Variants in SAMD12 observed in about 807,000 individuals in gnomAD.
SAMD12 encodes sterile alpha motif domain containing 12, also known as sterile alpha motif domain-containing protein 12.
A neutral mutation model predicts 15.0 loss-of-function variants in SAMD12; 9 were observed. The observed-to-expected ratio is 0.60, with a 90% CI of 0.36 to 1.05. The LOEUF is 1.05. Among genes scored for constraint, SAMD12 ranks in the 50% least tolerant of loss-of-function variants. The pLI is 0.01. For missense variants in SAMD12, 230 were observed against 234.2 expected (o/e 0.98, Z 0.12); for synonymous variants, 86 against 90.1 (o/e 0.96, Z 0.25).
At chr8:118,173,127 T>C in the SAMD12 span, among the ~76,000 whole-genome samples, 92 of 152,230 alleles carry the variant, frequency 6.0e-4, no homozygotes, top group African/African-American at 2.1e-3. Flanking sequence ...GGACAAGTGG[T>C]ACAGTATTGA....
At position 118,530,054 on chromosome 8, in the gene SAMD12, G is replaced by A. The variant is rs150059805; in HGVS notation, c.192+50661C>T. ...TCCCCAACATCTGTTGTTGACTTCT[G>A]AGTAACAGCCATTCTGATGGGTGTC... is the stretch of plus-strand genomic sequence containing the variant. On this transcript the variant is annotated intron_variant, in intron 2 of 3. Coordinates refer to ENST00000314727, the MANE Select transcript of SAMD12 (RefSeq NM_207506.3). 1.2e-3 allele frequency among the ~76,000 whole-genome samples: 189 copies of A among 152,170 alleles called. 1 individual carries two copies. The highest frequency in any genetic ancestry group is 4.4e-3 in the African/African-American group (182 of 41,516).
At chr8:118,334,286 C>A (rs957194579) in intron 4 of SAMD12, among the ~76,000 whole-genome samples, 3 of 152,154 alleles carry the variant, frequency 2.0e-5, no homozygotes, top group Non-Finnish European at 4.4e-5. Flanking sequence ...GACCTCAACA[C>A]CGTACCTGGC....
At chr8:118,220,544 A>G (rs888595655) in intron 4 of SAMD12, among the ~76,000 whole-genome samples, 12 of 152,150 alleles carry the variant, frequency 7.9e-5, no homozygotes, top group Non-Finnish European at 1.6e-4. Context: ...TTTTTCTTCT[A>G]TCATTCCTAT....
rs556815171 is a variant in SAMD12 at position 118,509,278 on chromosome 8, T to C, written c.193-69317A>G. Reference sequence around the variant, plus strand: ...TGGATGTGGCCAACTCTCCAAAATTTAATATTATTTAACTTTCAAGGTCTG... The same window carrying C: ...TGGATGTGGCCAACTCTCCAAAATTCAATATTATTTAACTTTCAAGGTCTG... On this transcript the variant is annotated intron_variant, in intron 2 of 3. Coordinates refer to ENST00000314727, the MANE Select transcript of SAMD12 (RefSeq NM_207506.3). 5.3e-5 allele frequency among the ~76,000 whole-genome samples: 8 copies of C among 152,280 alleles called. No homozygotes were observed. The East Asian group carries it at 1.5e-3, about 29-fold the overall frequency.
chr8:118,334,863 G>A (rs1475272245), intron 4 of SAMD12, among the ~76,000 whole-genome samples: 2 of 152,160 alleles, frequency 1.3e-5, no homozygotes, highest in African/African-American at 4.8e-5. Flanking sequence ...CAAAGTGCTG[G>A]ATTACGGGCA....
chr8:118,515,577 C>T lies in SAMD12; in HGVS notation c.192+65138G>A, dbSNP rs1825218875. On this transcript the variant is annotated intron_variant, in intron 2 of 3. Coordinates refer to ENST00000314727, the MANE Select transcript of SAMD12 (RefSeq NM_207506.3). ...ATAGTACAGGGACAACTCATAAGCC[C>T]CAGAGCCTGACATACTCAAGCTGTC... is the stretch of plus-strand genomic sequence containing the variant. Among the ~76,000 whole-genome samples the T allele has an allele frequency of 1.3e-5, 2 of 152,064 alleles. 1 individual carries two copies. Among genetic ancestry groups the T allele is most frequent in the South Asian group, 4.2e-4 (2 of 4,812 alleles).
At chr8:118,417,450 G>C (rs1478975240) in intron 3 of SAMD12, among the ~76,000 whole-genome samples, 1 of 152,174 alleles carries the variant, frequency 6.6e-6, no homozygotes, top group Non-Finnish European at 1.5e-5. Flanking sequence ...CATTCTAGTA[G>C]ATAGAGCTGG....
intron 3 of SAMD12, among the ~76,000 whole-genome samples, chr8:118,415,268 A>C (rs1586690536): frequency 6.6e-6 from 1 of 152,186 alleles, no homozygotes; most frequent in East Asian, 1.9e-4. Flanking sequence ...TTAGTTTACA[A>C]AAGTATTTTT....
intron 3 of SAMD12, among the ~76,000 whole-genome samples, chr8:118,385,003 C>A (rs889786263): frequency 2.0e-5 from 3 of 152,146 alleles, no homozygotes; most frequent in African/African-American, 7.2e-5. Flanking sequence ...GTTCCCGCAG[C>A]AGGAACATGG....
chr8:118,597,018 G>A (rs1827740006), intron 1 of SAMD12, among the ~76,000 whole-genome samples: 2 of 152,128 alleles, frequency 1.3e-5, no homozygotes, highest in South Asian at 4.1e-4. Context: ...AGGCAGCTAG[G>A]TGGATGGAAT....
intron 2 of SAMD12, among the ~76,000 whole-genome samples, chr8:118,518,006 T>A (rs1239091633): frequency 6.6e-6 from 1 of 152,176 alleles, no homozygotes; most frequent in Non-Finnish European, 1.5e-5. Context: ...TCAGACTCAC[T>A]CTTTACTGAC....
At chr8:118,459,152 G>A (rs970368732) in intron 2 of SAMD12, among the ~76,000 whole-genome samples, 1 of 151,806 alleles carries the variant, frequency 6.6e-6, no homozygotes, top group Non-Finnish European at 1.5e-5. Context: ...TACAACCTCC[G>A]CCTCCCCGGT....
chr8:118,247,986 A>G (rs1176853590), intron 4 of SAMD12, among the ~76,000 whole-genome samples: 1 of 152,174 alleles, frequency 6.6e-6, no homozygotes, highest in Non-Finnish European at 1.5e-5. Context: ...CACTATGCCA[A>G]ATGGTGCCAG....
At chr8:118,562,089 C>T (rs1282671934) in intron 2 of SAMD12, among the ~76,000 whole-genome samples, 1 of 152,198 alleles carries the variant, frequency 6.6e-6, no homozygotes, top group Non-Finnish European at 1.5e-5. Context: ...GAGAAATGTG[C>T]TTGACTGCCG....
In SAMD12 at chr8:118,413,320, C is replaced by A. The variant is rs567904242; in HGVS notation, c.322+26512G>T. ...CAATAAAGATTTTTATTGCAAGGTG[C>A]TTTCCTCATAAAAACACTGTGTTTC... On this transcript the variant is annotated intron_variant, in intron 3 of 3. Coordinates refer to ENST00000314727, the MANE Select transcript of SAMD12 (RefSeq NM_207506.3). Among the ~76,000 whole-genome samples, 26 of 152,262 alleles carry A rather than the reference C, an allele frequency of 1.7e-4. No homozygotes were observed. The South Asian group carries it at 5.2e-3, about 30-fold the overall frequency.
chr8:118,559,511 T>C (rs1248849421), intron 2 of SAMD12, among the ~76,000 whole-genome samples: 5 of 152,254 alleles, frequency 3.3e-5, no homozygotes, highest in Non-Finnish European at 5.9e-5. Flanking sequence ...ACAAGGCTCA[T>C]CATACACTTA....
rs567356565 is a variant in SAMD12 at position 118,313,145 on chromosome 8, C to A, written c.433+66415G>T. On this transcript the variant is annotated intron_variant, in intron 4 of 4. Transcript: ENST00000409003. ...AAGAGATGCCCTCTCTGTCACATAT[C>A]TGCTGTGGGATTTAAGGAAGGAATT... 2.0e-5 allele frequency among the ~76,000 whole-genome samples: 3 copies of A among 152,264 alleles called. No individual in the cohort carries two copies. In the South Asian group the frequency reaches 6.2e-4, roughly 32 times the overall value.
chr8:118,566,563 TA>T (rs1826857939), intron 2 of SAMD12, among the ~76,000 whole-genome samples: 2 of 152,132 alleles, frequency 1.3e-5, no homozygotes, highest in Admixed American at 1.3e-4. Flanking sequence ...TTTAAGCATA[TA>T]AAAGCCACTC....
intron 3 of SAMD12, among the ~76,000 whole-genome samples, chr8:118,438,977 C>G (rs1275216234): frequency 2.0e-5 from 3 of 152,086 alleles, no homozygotes; most frequent in African/African-American, 4.8e-5. Context: ...AAGTGTTGCC[C>G]ACATACAAGC....
Sources: gnomAD v4.1 joint callset for allele counts (sites outside exome capture counted in the v4.1 genomes callset) on GRCh38, gnomAD v4.1.1 for gene constraint, MANE v1.5 for transcripts, NCBI Gene and HGNC (gene_info 2026-07-23, HGNC 2026-07-21) for gene names.